Variants in CCDC30 observed in about 807,000 individuals in gnomAD.
The protein encoded by CCDC30 is coiled-coil domain containing 30.
Under a neutral mutation model 100.2 loss-of-function variants are expected in CCDC30, and 70 were observed. The observed-to-expected ratio is 0.70, with a 90% CI of 0.58 to 0.85. CCDC30 has a LOEUF of 0.85. CCDC30 is among the 40% of genes least tolerant of loss of function. CCDC30 has a pLI of 0.00. For missense variants in CCDC30, 652 were observed against 771.2 expected (o/e 0.85, Z 1.83); for synonymous variants, 233 against 269.5 (o/e 0.86, Z 1.33).
chr1:42,491,371 G>A (rs867855533), intron 4 of CCDC30, among the ~76,000 whole-genome samples: 11 of 152,138 alleles, frequency 7.2e-5, no homozygotes, highest in African/African-American at 2.7e-4. Context: ...AACATTGCAT[G>A]TTCTCACTTA....
At chr1:42,603,443 T>C (rs1646443618) in intron 10 of CCDC30, among the ~76,000 whole-genome samples, 1 of 152,196 alleles carries the variant, frequency 6.6e-6, no homozygotes, top group Non-Finnish European at 1.5e-5. Flanking sequence ...ATTCAAACCA[T>C]GGCAAATGCG....
intron 6 of CCDC30, among the ~76,000 whole-genome samples, chr1:42,545,872 A>T (rs997339589): frequency 3.3e-5 from 5 of 151,774 alleles, no homozygotes; most frequent in Middle Eastern, 3.4e-3. Context: ...TGAGCGTGGG[A>T]GGTGGAGGTT....
At chr1:42,553,790 T>A (rs941317344) in intron 6 of CCDC30, among the ~76,000 whole-genome samples, 1 of 152,188 alleles carries the variant, frequency 6.6e-6, no homozygotes, top group Non-Finnish European at 1.5e-5. Context: ...ATTTCATTGT[T>A]GTTTTATAAA....
rs1432907420 is a variant in CCDC30 at position 42,653,675 on chromosome 1, A to G, written c.1923-143A>G. The G allele has an allele frequency of 6.0e-6, 4 of 663,228 alleles. No homozygotes were observed. The East Asian group carries it at 8.1e-5, about 13-fold the overall frequency. The allele number at this position is 663,228 out of a possible 1,614,324, so 41.1% of individuals were successfully genotyped here. ...ACTTAAGGTAGGAAATAAAATATGA[A>G]CATAGGTTTAAGGTAAATTTTATTT... On this transcript the variant is annotated intron_variant, in intron 16 of 16. Coordinates refer to ENST00000668663, the Ensembl canonical transcript of CCDC30.
intron 6 of CCDC30, 70 bp downstream of exon 6, chr1:42,498,986 G>C: frequency 1.4e-6 from 1 of 737,608 alleles, no homozygotes; most frequent in Non-Finnish European, 1.9e-6. Flanking sequence ...GAGTATACTA[G>C]AGTGATTGGT....
chr1:42,545,028 A>G (rs868732544), intron 6 of CCDC30, among the ~76,000 whole-genome samples: 11 of 151,988 alleles, frequency 7.2e-5, no homozygotes, highest in Middle Eastern at 3.4e-3. Context: ...AATGAAGTAC[A>G]TTCAAAACTT....
chr1:42,461,836 C>T (rs146338033), upstream of CCDC30, among the ~76,000 whole-genome samples: 5 of 152,188 alleles, frequency 3.3e-5, no homozygotes, highest in East Asian at 7.7e-4. Context: ...TGAGCCACCG[C>T]GCCCAGCCAC....
Position 42,500,310 on chromosome 1 carries a change from C to T in CCDC30, c.456+1394C>T. 3 of 1,610,164 alleles carry T rather than the reference C, an allele frequency of 1.9e-6. No individual in the cohort carries two copies. The South Asian group carries it at 3.3e-5, about 18-fold the overall frequency. ...TCAGTTTCGACTTATCGAATTTCTC[C>T]ATCTCAGCCATATCGGGTTTGTCAG... is the stretch of plus-strand genomic sequence containing the variant. On this transcript the variant is annotated intron_variant, in intron 6 of 16. Transcript: ENST00000668663.
intron 11 of CCDC30, among the ~76,000 whole-genome samples, chr1:42,624,257 T>A (rs1193232567): frequency 2.6e-5 from 4 of 152,234 alleles, no homozygotes; most frequent in Non-Finnish European, 5.9e-5. Flanking sequence ...GTTTTTATCA[T>A]GAAAGGATGT....
At chr1:42,641,980 A>C (rs141793581) in intron 12 of CCDC30, among the ~76,000 whole-genome samples, 9,025 of 152,186 alleles carry the variant, frequency 0.059, 440 homozygotes, top group African/African-American at 0.13. Flanking sequence ...AATCCCAGCA[A>C]TTTGGGAGGC....
chr1:42,462,263 GT>G (rs1643432985), upstream of CCDC30, among the ~76,000 whole-genome samples: 1 of 152,116 alleles, frequency 6.6e-6, no homozygotes, highest in Non-Finnish European at 1.5e-5. Context: ...AAATGGAAGT[GT>G]ATAAAGAAAA....
At chr1:42,509,684 C>A (rs1468208346) in intron 6 of CCDC30, among the ~76,000 whole-genome samples, 1 of 152,198 alleles carries the variant, frequency 6.6e-6, no homozygotes, top group Non-Finnish European at 1.5e-5. Flanking sequence ...TGTATCCTAA[C>A]CTAAGGTACC....
chr1:42,656,581 A>T (rs1648667730), downstream of CCDC30, among the ~76,000 whole-genome samples: 1 of 152,216 alleles, frequency 6.6e-6, no homozygotes, highest in Non-Finnish European at 1.5e-5. Context: ...CAGTGAGCTG[A>T]GACCACTCCA....
At chr1:42,472,962 G>A (rs1447120168) in intron 1 of CCDC30, among the ~76,000 whole-genome samples, 2 of 152,116 alleles carry the variant, frequency 1.3e-5, no homozygotes, top group African/African-American at 4.8e-5. Context: ...ACATACATAA[G>A]TGTGATGAAG....
rs1289403245 is a variant in CCDC30 at position 42,494,744 on chromosome 1, C to T, written c.242-2354C>T. ...AGAAGACATTTATGCAGCCAAAAAA[C>T]ACATGAAAAAATGCTCACCATCACT... On this transcript the variant is annotated intron_variant, in intron 4 of 16. Coordinates refer to ENST00000668663, the Ensembl canonical transcript of CCDC30. Among the ~76,000 whole-genome samples the T allele has an allele frequency of 2.3e-3, 302 of 133,998 alleles. 1 individual carries two copies. The highest frequency in any genetic ancestry group is 5.3e-3 in the Admixed American group (67 of 12,756). 87.9% of individuals were successfully genotyped at this position (133,998 alleles called of 152,430 possible). A position where few individuals can be genotyped will look rare whatever the true frequency, so the allele number is the denominator to read the frequency against.
rs1645966064 is a variant in CCDC30 at position 42,581,505 on chromosome 1, AAC to A, written c.994_995del (p.Gln332GlufsTer11). 1 of 1,612,580 alleles carries A rather than the reference AAC, an allele frequency of 6.2e-7. No homozygotes were observed. Among genetic ancestry groups the A allele is most frequent in the African/African-American group, 1.3e-5 (1 of 74,878 alleles). ...GTAAAGCAACAATATCAAGAAGAAC[AAC>A]AGAAGAGGTAAGAGGAGCAGAGATC... On this transcript the variant is annotated frameshift_variant, in exon 9 of 17. Transcript: ENST00000668663. LOFTEE classifies it high-confidence loss of function.
At chr1:42,630,548 A>G (rs1296595309) in intron 11 of CCDC30, among the ~76,000 whole-genome samples, 1 of 151,050 alleles carries the variant, frequency 6.6e-6, no homozygotes, top group African/African-American at 2.4e-5. Context: ...ACACCTAGCT[A>G]TTTTTGTATT....
At chr1:42,634,249 CAAAAAAAAAAA>C (rs754829759) in intron 11 of CCDC30, among the ~76,000 whole-genome samples, 8 of 115,318 alleles carry the variant, frequency 6.9e-5, no homozygotes, top group African/African-American at 2.0e-4. Flanking sequence ...AAGACTGTCT[CAAAAAAAAAAA>C]AAAAAAAAAA....
rs191599445 is a variant in CCDC30, at chr1:42,533,053, G to A, written c.457-33243G>A. ...ATTACAGGCGTGAGCCACCTTGCCCGGCCAAAAGCTTTTAGTTTTGACGTA... is the reference window on the plus strand; with the variant it reads ...ATTACAGGCGTGAGCCACCTTGCCCAGCCAAAAGCTTTTAGTTTTGACGTA... On this transcript the variant is annotated intron_variant, in intron 6 of 16. Transcript: ENST00000668663. Among the ~76,000 whole-genome samples the A allele has an allele frequency of 8.4e-3, 1,273 of 152,322 alleles. 9 individuals carry two copies. The highest frequency in any genetic ancestry group is 0.012 in the Non-Finnish European group (846 of 68,032).
Sources: allele counts gnomAD v4.1 joint callset (sites outside exome capture counted in the v4.1 genomes callset), GRCh38; gene constraint gnomAD v4.1.1; transcripts MANE v1.5; gene names NCBI Gene and HGNC (gene_info 2026-07-23, HGNC 2026-07-21).